CARHSP1: variants seen among roughly 807,000 people sequenced by gnomAD.
The protein encoded by CARHSP1 is calcium regulated heat stable protein 1, also known as calcium-regulated heat-stable protein 1.
A neutral mutation model predicts 12.5 loss-of-function variants in CARHSP1; 14 were observed. The observed-to-expected ratio is 1.12, with a 90% CI of 0.74 to 1.75. The LOEUF (loss-of-function observed/expected upper bound fraction) is 1.75. Among genes scored for constraint, CARHSP1 ranks in the 40% most tolerant of loss-of-function variants. CARHSP1 has a pLI of 0.00. For missense variants in CARHSP1, 343 were observed against 201.6 expected (o/e 1.70, Z -4.25); for synonymous variants, 161 against 82.0 (o/e 1.96, Z -5.20).
At chr16:8,859,591 G>A (rs553102939) in intron 1 of CARHSP1, among the ~76,000 whole-genome samples, 14 of 151,846 alleles carry the variant, frequency 9.2e-5, no homozygotes, top group East Asian at 2.0e-4. Context: ...GGATGGCATC[G>A]GTCCCCTCTG....
chr16:8,855,912 C>T (rs755981473), intron 3 of CARHSP1, among the ~76,000 whole-genome samples: 11 of 152,262 alleles, frequency 7.2e-5, no homozygotes, highest in South Asian at 2.1e-4. Flanking sequence ...ATCCACCTCC[C>T]GAGTTCAAGT....
At chr16:8,855,397 C>A in intron 3 of CARHSP1, 71 bp from the exon 4 acceptor site, 1 of 1,337,728 alleles carries the variant, frequency 7.5e-7, no homozygotes, top group Non-Finnish European at 9.8e-7. Flanking sequence ...ACACCAGCCA[C>A]CCTTCTGGTC....
chr16:8,859,968 CT>C (rs2061297126), intron 1 of CARHSP1: 1 of 163,158 alleles, frequency 6.1e-6, no homozygotes, highest in Non-Finnish European at 1.1e-5. Flanking sequence ...CAGAGCAAGA[CT>C]CTGTCTCAAA....
Position 8,855,039 on chromosome 16 carries a change from A to T in CARHSP1, c.*125T>A. 1.4e-6 allele frequency: 1 copy of T among 714,814 alleles called. No individual in the cohort carries two copies. Among genetic ancestry groups the T allele is most frequent in the Non-Finnish European group, 2.1e-6 (1 of 484,480 alleles). The allele number at this position is 714,814 out of a possible 1,614,324, so 44.3% of individuals were successfully genotyped here. The stretch of plus-strand genomic sequence containing the variant: ...CCCCATACCCCTTCCTCCAGGAGAT[A>T]CTTGAGAGGGACCATGCCCGGCTGA... On this transcript the variant is annotated 3_prime_UTR_variant, in exon 4 of 4. Coordinates refer to ENST00000311052, the MANE Select transcript of CARHSP1 (RefSeq NM_014316.4).
In CARHSP1 at chr16:8,857,263, G is replaced by GTTTTTTTTTTTTTTTTTTTTTTTTTTTT. The variant is rs756390920; in HGVS notation, c.281+1059_281+1086dup. Among the ~76,000 whole-genome samples the GTTTTTTTTTTTTTTTTTTTTTTTTTTTT allele has an allele frequency of 1.2e-4, 7 of 57,006 alleles. 2 individuals carry two copies. The highest frequency in any genetic ancestry group is 8.8e-4 in the South Asian group (1 of 1,142). The allele number at this position is 57,006 out of a possible 152,430, so 37.4% of individuals were successfully genotyped here. A position where few individuals can be genotyped will look rare whatever the true frequency, so the allele number is the denominator to read the frequency against. On this transcript the variant is annotated intron_variant, in intron 3 of 3. Coordinates refer to ENST00000311052, the MANE Select transcript of CARHSP1 (RefSeq NM_014316.4). ...TGGCTATGTGATCTTGGGCAGATCTGTTTTTTTTTTTTTTTTTTTTTTTTT... is the reference window on the plus strand; with the variant it reads ...TGGCTATGTGATCTTGGGCAGATCTGTTTTTTTTTTTTTTTTTTTTTTTTTTTTTTTTTTTTTTTTTTTTTTTTTTTTT...
Sources: allele counts gnomAD v4.1 joint callset (sites outside exome capture counted in the v4.1 genomes callset), GRCh38; gene constraint gnomAD v4.1.1; transcripts MANE v1.5; gene names NCBI Gene and HGNC (gene_info 2026-07-23, HGNC 2026-07-21).